Variants in ZDHHC3 observed in about 807,000 individuals in gnomAD.
ZDHHC3 encodes palmitoyltransferase ZDHHC3.
Under a neutral mutation model 30.6 loss-of-function variants are expected in ZDHHC3, and 9 were observed. That is an observed-to-expected ratio of 0.29 (90% CI 0.18 to 0.51). The LOEUF (loss-of-function observed/expected upper bound fraction) is 0.51. ZDHHC3 is among the 20% of genes least tolerant of loss of function. The probability of loss-of-function intolerance (pLI) is 0.97; values close to 1 mark genes in which losing one functional copy is unlikely to be tolerated. For missense variants in ZDHHC3, 246 were observed against 384.2 expected, an observed-to-expected ratio of 0.64 and a Z score of 3.01; for synonymous variants, 136 against 140.2, an observed-to-expected ratio of 0.97 and a Z score of 0.21.
intron 3 of ZDHHC3, among the ~76,000 whole-genome samples, chr3:44,937,173 G>A (rs1702035873): frequency 6.6e-6 from 1 of 152,070 alleles, no homozygotes; most frequent in Admixed American, 6.6e-5. Context: ...GGCCAGGTTT[G>A]GTGGCTCACA....
intron 2 of ZDHHC3, among the ~76,000 whole-genome samples, chr3:44,957,538 G>A (rs796145665): frequency 2.6e-5 from 4 of 152,136 alleles, no homozygotes; most frequent in East Asian, 1.9e-4. Context: ...TAGGCACCTC[G>A]CCCACATCAC....
At chr3:44,934,366 G>A (rs1701759199) in intron 3 of ZDHHC3, among the ~76,000 whole-genome samples, 1 of 151,902 alleles carries the variant, frequency 6.6e-6, no homozygotes, top group South Asian at 2.1e-4. Context: ...TTGGAGAATG[G>A]CTGCTACCTA....
At chr3:44,929,552 G>T in intron 5 of ZDHHC3, 116 bp from the exon 6 acceptor site, 1 of 1,386,682 alleles carries the variant, frequency 7.2e-7, no homozygotes, top group Non-Finnish European at 9.8e-7. Context: ...ATTCCTCCTG[G>T]GTGCCATAGG....
At chr3:44,952,722 G>C (rs138423882) in intron 2 of ZDHHC3, among the ~76,000 whole-genome samples, 1 of 152,064 alleles carries the variant, frequency 6.6e-6, no homozygotes, top group East Asian at 1.9e-4. Flanking sequence ...ACCCTCACCC[G>C]CTCCAACTTG....
Position 44,920,320 on chromosome 3 carries a change from T to G in ZDHHC3, c.*6369A>C. 7.8e-7 allele frequency: 1 copy of G among 1,289,856 alleles called. No individual in the cohort carries two copies. Among genetic ancestry groups the G allele is most frequent in the Non-Finnish European group, 1.0e-6 (1 of 988,864 alleles). 79.9% of individuals were successfully genotyped at this position (1,289,856 alleles called of 1,614,324 possible). A position where few individuals can be genotyped will look rare whatever the true frequency, so the allele number is the denominator to read the frequency against. On this transcript the variant is annotated 3_prime_UTR_variant, in exon 7 of 7. Transcript: ENST00000424952. ...CTTTGGGCATTCTGCATTCTCTTCC[T>G]GGGTGATCATCTGCAGCCTGTTGAG...
rs529828861 is a variant in ZDHHC3 at position 44,916,059 on chromosome 3, A to G, written c.*10630T>C. The G allele has an allele frequency of 3.3e-5, 5 of 152,302 alleles. No homozygotes were observed. The highest frequency in any genetic ancestry group is 9.6e-5 in the African/African-American group (4 of 41,568). The allele number at this position is 152,302 out of a possible 1,614,324, so 9.4% of individuals were successfully genotyped here. ...GCCTTTACAGCTGACTCGGGCTCCT[A>G]TGTCGTCATTAATAAATATTAAAGC... On this transcript the variant is annotated 3_prime_UTR_variant, in exon 7 of 7. Coordinates refer to ENST00000424952, the MANE Select transcript of ZDHHC3 (RefSeq NM_001135179.2).
Position 44,927,647 on chromosome 3 carries a change from C to A in ZDHHC3, c.742-800G>T, listed in dbSNP as rs572134990. ...AGCAGCTGTCACGGAGCCAGCGCTG[C>A]TTCCCCTGCTAAGTCTCAGGAAAAA... On this transcript the variant is annotated intron_variant, in intron 6 of 6. Transcript: ENST00000424952. 7.2e-5 allele frequency among the ~76,000 whole-genome samples: 11 copies of A among 152,382 alleles called. No homozygotes were observed. In the South Asian group the frequency reaches 2.1e-3, roughly 29 times the overall value.
chr3:44,961,523 C>A (rs1704480330), intron 1 of ZDHHC3, among the ~76,000 whole-genome samples: 2 of 152,186 alleles, frequency 1.3e-5, no homozygotes, highest in Non-Finnish European at 2.9e-5. Flanking sequence ...CTGCCAGAGA[C>A]AACCTAAATG....
At chr3:44,934,893 CAAA>C (rs886501187) in intron 3 of ZDHHC3, among the ~76,000 whole-genome samples, 3 of 60,080 alleles carry the variant, frequency 5.0e-5, no homozygotes, top group Admixed American at 1.7e-4. Context: ...ACTCTGTCTC[CAAA>C]AAAAAAAAAA....
intron 3 of ZDHHC3, among the ~76,000 whole-genome samples, chr3:44,935,074 G>A: frequency 6.6e-6 from 1 of 152,066 alleles, no homozygotes; most frequent in East Asian, 1.9e-4. Flanking sequence ...TATGAAACAA[G>A]CGTCCCGGAC....
chr3:44,968,918 G>C (rs1029384429), intron 1 of ZDHHC3, among the ~76,000 whole-genome samples: 2 of 152,184 alleles, frequency 1.3e-5, no homozygotes, highest in Non-Finnish European at 2.9e-5. Context: ...GAAGCTCAAG[G>C]AGTCAGTGGA....
At position 44,918,084 on chromosome 3, in the gene ZDHHC3, T is replaced by C; in HGVS notation, c.*8605A>G. The C allele has an allele frequency of 7.7e-7, 1 of 1,305,454 alleles. No homozygotes were observed. Among genetic ancestry groups the C allele is most frequent in the Non-Finnish European group, 1.0e-6 (1 of 988,962 alleles). 80.9% of individuals were successfully genotyped at this position (1,305,454 alleles called of 1,614,324 possible). On this transcript the variant is annotated 3_prime_UTR_variant, in exon 7 of 7. Coordinates refer to ENST00000424952, the MANE Select transcript of ZDHHC3 (RefSeq NM_001135179.2). ...AGTCCCCACCAAAGGTCTCCTTTACTGACTGCCAGCTCCCCATGTGCTCCC... is the reference window on the plus strand; with the variant it reads ...AGTCCCCACCAAAGGTCTCCTTTACCGACTGCCAGCTCCCCATGTGCTCCC...
rs184764141 is a variant in ZDHHC3, at chr3:44,917,943, T to G, written c.*8746A>C. 2.5e-4 allele frequency: 329 copies of G among 1,305,322 alleles called. 1 individual carries two copies. The highest frequency in any genetic ancestry group is 2.1e-3 in the African/African-American group (138 of 66,004). 80.9% of individuals were successfully genotyped at this position (1,305,322 alleles called of 1,614,324 possible). A position where few individuals can be genotyped will look rare whatever the true frequency, so the allele number is the denominator to read the frequency against. ...AGTCCTCGTCCTTTGTCTCCTCTGA[T>G]GGATCCTCCATTGTTTCGGTGTCTG... On this transcript the variant is annotated 3_prime_UTR_variant, in exon 7 of 7. Transcript: ENST00000424952.
At chr3:44,945,401 AGG>A (rs762542202) in intron 2 of ZDHHC3, 109 bp from the exon 3 acceptor site, 117 of 1,455,022 alleles carry the variant, frequency 8.0e-5, no homozygotes, top group Non-Finnish European at 1.1e-4. Flanking sequence ...ACACATGGAC[AGG>A]ACACTTTGAT....
Position 44,959,460 on chromosome 3 carries a change from T to A in ZDHHC3, c.-24A>T. On this transcript the variant is annotated splice_region_variant and 5_prime_UTR_variant, in exon 2 of 7. An upstream start codon of the reference 5' UTR is lost. Transcript: ENST00000424952. This position sits in a 1 kb window ranked among gnomAD's most constrained non-coding sequence, Gnocchi z 4.3. The stretch of plus-strand genomic sequence containing the variant: ...ATAAGCTATTCTGTCCATACTGGCA[T>A]CTGAAAGAGAGAGGAAAGAATCCAG... 6.3e-7 allele frequency: 1 copy of A among 1,595,860 alleles called. No individual in the cohort carries two copies. The highest frequency in any genetic ancestry group is 8.6e-7 in the Non-Finnish European group (1 of 1,167,620).
At chr3:44,955,571 A>G (rs1703880695) in intron 2 of ZDHHC3, among the ~76,000 whole-genome samples, 2 of 151,956 alleles carry the variant, frequency 1.3e-5, no homozygotes, top group Non-Finnish European at 2.9e-5. Flanking sequence ...ACTGTTCTGA[A>G]AAAGTATGTG....
intron 2 of ZDHHC3, among the ~76,000 whole-genome samples, chr3:44,952,380 C>A (rs148031694): frequency 2.0e-5 from 3 of 152,180 alleles, no homozygotes; most frequent in Non-Finnish European, 4.4e-5. Flanking sequence ...GAGCATCTCC[C>A]AGGTCTTCCT....
Position 44,921,977 on chromosome 3 carries a change from T to C in ZDHHC3, c.*4712A>G, listed in dbSNP as rs749334972. ...TTGGATCAGCTTCATCGGCTCCTCC[T>C]GTGGGCCCAACAGAGCGGGATCCCT... On this transcript the variant is annotated 3_prime_UTR_variant, in exon 7 of 7. Transcript: ENST00000424952. The C allele has an allele frequency of 1.3e-4, 131 of 985,310 alleles. No individual in the cohort carries two copies. The highest frequency in any genetic ancestry group is 1.5e-4 in the Non-Finnish European group (128 of 829,922). 61.0% of individuals were successfully genotyped at this position (985,310 alleles called of 1,614,324 possible). A position where few individuals can be genotyped will look rare whatever the true frequency, so the allele number is the denominator to read the frequency against.
In ZDHHC3 at chr3:44,938,230, C is replaced by T. The variant is rs149779073; in HGVS notation, c.432-4246G>A. On this transcript the variant is annotated intron_variant, in intron 3 of 6. Coordinates refer to ENST00000424952, the MANE Select transcript of ZDHHC3 (RefSeq NM_001135179.2). The stretch of plus-strand genomic sequence containing the variant: ...AACTCCTCACCTCAAGTGATCCCCC[C>T]GCCTCGGCCTCCCAAAGTGCTGGGT... The T allele has an allele frequency of 8.1e-3, 1,504 of 185,230 alleles. 22 individuals are homozygous for T. The highest frequency in any genetic ancestry group is 0.032 in the African/African-American group (1,369 of 42,550). The allele number at this position is 185,230 out of a possible 1,614,324, so 11.5% of individuals were successfully genotyped here. A position where few individuals can be genotyped will look rare whatever the true frequency, so the allele number is the denominator to read the frequency against.
Sources: allele counts gnomAD v4.1 joint callset (sites outside exome capture counted in the v4.1 genomes callset), GRCh38; gene constraint gnomAD v4.1.1; non-coding constraint Gnocchi (gnomAD v3.1); transcripts MANE v1.5; gene names NCBI Gene and HGNC (gene_info 2026-07-23, HGNC 2026-07-21).